XIRP2: variants seen among roughly 807,000 people sequenced by gnomAD.
XIRP2 encodes xin actin-binding repeat-containing protein 2.
A neutral mutation model predicts 277.0 loss-of-function variants in XIRP2; 236 were observed. That is an observed-to-expected ratio of 0.85 (90% CI 0.77 to 0.95). The LOEUF is 0.95. Among genes scored for constraint, XIRP2 ranks in the 40% least tolerant of loss-of-function variants. The probability of loss-of-function intolerance (pLI) is 0.00; values close to 1 mark genes in which losing one functional copy is unlikely to be tolerated. For synonymous variants in XIRP2, 1,490 were observed against 1,416.5 expected (o/e 1.05, Z -1.17); for missense variants, 4,640 against 4,157.5 (o/e 1.12, Z -3.19).
chr2:166,894,657 G>T (rs1226239645), intron 1 of XIRP2, among the ~76,000 whole-genome samples: 1 of 152,076 alleles, frequency 6.6e-6, no homozygotes, highest in Non-Finnish European at 1.5e-5. Context: ...ACTTTTTTCA[G>T]CATTGTGCCT....
chr2:167,189,878 T>G (rs1354311590), intron 3 of XIRP2, among the ~76,000 whole-genome samples: 2 of 152,142 alleles, frequency 1.3e-5, no homozygotes, highest in African/African-American at 4.8e-5. Context: ...GGCTGTCCAC[T>G]TCACAAGACA....
chr2:167,207,662 A>T (rs1693896977), intron 3 of XIRP2, among the ~76,000 whole-genome samples: 1 of 152,214 alleles, frequency 6.6e-6, no homozygotes, highest in Non-Finnish European at 1.5e-5. Flanking sequence ...GAAGAAAAGC[A>T]TATATGTTTG....
At chr2:167,116,398 G>C (rs779313309) in intron 2 of XIRP2, among the ~76,000 whole-genome samples, 1 of 152,044 alleles carries the variant, frequency 6.6e-6, no homozygotes, top group Non-Finnish European at 1.5e-5. Context: ...GTTCCTTTCT[G>C]TCTCTGGTAA....
chr2:166,959,723 C>T (rs192301680), intron 2 of XIRP2, among the ~76,000 whole-genome samples: 12 of 151,558 alleles, frequency 7.9e-5, no homozygotes, highest in Admixed American at 7.9e-4. Flanking sequence ...ACTTTAATAC[C>T]CTCATTGTAC....
chr2:167,018,060 C>G (rs1172656941), intron 2 of XIRP2, among the ~76,000 whole-genome samples: 1 of 152,020 alleles, frequency 6.6e-6, no homozygotes, highest in Non-Finnish European at 1.5e-5. Context: ...GGCTCTAATA[C>G]CTAGCCTTTT....
At chr2:166,888,793 A>G (rs1684020967) in intron 1 of XIRP2, among the ~76,000 whole-genome samples, 1 of 152,184 alleles carries the variant, frequency 6.6e-6, no homozygotes, top group Admixed American at 6.5e-5. Context: ...CTAAGAAACA[A>G]TTTAATCTGG....
At chr2:167,224,538 G>A (rs1013096862) in intron 5 of XIRP2, among the ~76,000 whole-genome samples, 1 of 151,950 alleles carries the variant, frequency 6.6e-6, no homozygotes, top group African/African-American at 2.4e-5. Flanking sequence ...GAGCCACTGT[G>A]CCCAGGCTGG....
At chr2:166,937,918 A>G (rs1324504282) in intron 2 of XIRP2, among the ~76,000 whole-genome samples, 4 of 152,052 alleles carry the variant, frequency 2.6e-5, no homozygotes, top group African/African-American at 4.8e-5. Flanking sequence ...GGTATTTTGT[A>G]TTTCTGTGGG....
intron 5 of XIRP2, among the ~76,000 whole-genome samples, chr2:167,226,830 C>A (rs1694617303): frequency 6.6e-6 from 1 of 152,146 alleles, no homozygotes; most frequent in African/African-American, 2.4e-5. Context: ...CGAAACATCA[C>A]CTCCTACCCT....
chr2:166,897,182 T>C (rs1407032609), intron 1 of XIRP2, among the ~76,000 whole-genome samples: 1 of 152,222 alleles, frequency 6.6e-6, no homozygotes, highest in Non-Finnish European at 1.5e-5. Context: ...GGTGTGCATG[T>C]TGTAATTCTC....
intron 2 of XIRP2, among the ~76,000 whole-genome samples, chr2:166,947,045 G>T (rs898860372): frequency 2.0e-5 from 3 of 151,956 alleles, no homozygotes; most frequent in Non-Finnish European, 4.4e-5. Flanking sequence ...TGTTTCCATT[G>T]TTTTGTTTCA....
chr2:167,027,789 G>A (rs1688215339), intron 2 of XIRP2, among the ~76,000 whole-genome samples: 1 of 151,872 alleles, frequency 6.6e-6, no homozygotes, highest in South Asian at 2.1e-4. Flanking sequence ...CCTATAAACA[G>A]GTAAATCTTA....
At chr2:166,897,578 T>G (rs770448240) in intron 1 of XIRP2, among the ~76,000 whole-genome samples, 1 of 152,236 alleles carries the variant, frequency 6.6e-6, no homozygotes, top group African/African-American at 2.4e-5. Context: ...AATTAACAAC[T>G]ATGATAGAAG....
At chr2:166,954,696 A>C (rs1686119693) in intron 2 of XIRP2, among the ~76,000 whole-genome samples, 2 of 152,026 alleles carry the variant, frequency 1.3e-5, no homozygotes, top group Non-Finnish European at 2.9e-5. Context: ...AGACTGGATA[A>C]AGAAAATGTA....
chr2:167,124,132 T>C (rs955119076), intron 2 of XIRP2: 1 of 152,078 alleles, frequency 6.6e-6, no homozygotes, highest in African/African-American at 2.4e-5. Context: ...GAAGGAGTAA[T>C]AGAAATATCA....
chr2:167,191,706 C>T (rs966397142), intron 3 of XIRP2, among the ~76,000 whole-genome samples: 2 of 152,300 alleles, frequency 1.3e-5, no homozygotes, highest in East Asian at 1.9e-4. Context: ...ACCCCACTCT[C>T]ATCACTGGAC....
rs538662272 is a variant in XIRP2 at position 167,023,148 on chromosome 2, T to C, written c.409-112761T>C. 7.6e-4 allele frequency among the ~76,000 whole-genome samples: 116 copies of C among 152,370 alleles called. 1 individual carries two copies. Among genetic ancestry groups the C allele is most frequent in the African/African-American group, 2.7e-3 (114 of 41,590 alleles). ...CCTGACTTTTTAATGATTGCCATTC[T>C]AACTGGTGTGAGATGGTATCTCATT... On this transcript the variant is annotated intron_variant, in intron 2 of 10. Coordinates refer to ENST00000409195, the MANE Select transcript of XIRP2 (RefSeq NM_152381.6).
At chr2:166,920,365 C>T (rs1234004420) in intron 2 of XIRP2, among the ~76,000 whole-genome samples, 1 of 152,124 alleles carries the variant, frequency 6.6e-6, no homozygotes, top group Non-Finnish European at 1.5e-5. Context: ...AAATACTGCT[C>T]TCTAGATGAT....
At chr2:167,063,821 A>T (rs1689232088) in intron 2 of XIRP2, among the ~76,000 whole-genome samples, 1 of 151,334 alleles carries the variant, frequency 6.6e-6, no homozygotes, top group African/African-American at 2.4e-5. Context: ...TTATATTTTA[A>T]GTGGGTTTCT....
Sources: allele counts gnomAD v4.1 joint callset (sites outside exome capture counted in the v4.1 genomes callset), GRCh38; gene constraint gnomAD v4.1.1; transcripts MANE v1.5; gene names NCBI Gene and HGNC (gene_info 2026-07-23, HGNC 2026-07-21).